The following PCNX2 variants were observed in gnomAD, a reference collection of about 807,000 sequenced individuals.
The protein encoded by PCNX2 is pecanex-like protein 2.
In PCNX2, 168 loss-of-function variants were observed where a neutral mutation model predicts 223.8. The ratio of observed to expected loss-of-function variants is 0.75; its 90% confidence interval spans 0.66 to 0.85. The LOEUF (loss-of-function observed/expected upper bound fraction) is 0.85. PCNX2 is among the 40% of genes least tolerant of loss of function. The pLI, the probability that PCNX2 is intolerant of heterozygous loss-of-function variation, is 0.00. For synonymous variants in PCNX2, 1,006 were observed against 1,052.6 expected, an observed-to-expected ratio of 0.96 and a Z score of 0.86; for missense variants, 2,507 against 2,675.5, an observed-to-expected ratio of 0.94 and a Z score of 1.39.
At position 233,258,924 on chromosome 1, in the gene PCNX2, G is replaced by C. The variant is rs1201787602; in HGVS notation, c.938C>G (p.Pro313Arg). ...CTTGGCCACGATGGTGTCACATTGA[G>C]GGCAGCTGCTGCTCAGGCTGTCCTG... ...SPQDSLSSSCPQCDTIVAKPV... is the reference protein window; with the variant it reads ...SPQDSLSSSCRQCDTIVAKPV... Residue 313 changes from proline (P) to arginine (R), a missense_variant, in exon 5 of 34, where the codon CCT (proline) becomes CGT (arginine). Around this residue, in one of 3 missense-constraint regions of PCNX2, gnomAD observed 1,031 missense variants for 1,021.7 expected, o/e 1.01. Transcript: ENST00000258229. The C allele has an allele frequency of 1.2e-6, 2 of 1,613,834 alleles. No homozygotes were observed. Among genetic ancestry groups the C allele is most frequent in the Admixed American group, 1.7e-5 (1 of 59,998 alleles).
chr1:233,228,990 A>G (rs955484034), intron 9 of PCNX2, among the ~76,000 whole-genome samples: 2 of 152,234 alleles, frequency 1.3e-5, no homozygotes, highest in African/African-American at 4.8e-5. Context: ...TGGGACAAAG[A>G]GCAGCGGTGG....
chr1:233,055,912 C>T lies in PCNX2; in HGVS notation c.4135+1320G>A, dbSNP rs74541028. 4.1e-3 allele frequency among the ~76,000 whole-genome samples: 620 copies of T among 152,192 alleles called. 1 individual carries two copies. Among genetic ancestry groups the T allele is most frequent in the Non-Finnish European group, 6.5e-3 (440 of 68,008 alleles). On this transcript the variant is annotated intron_variant, in intron 24 of 33. Coordinates refer to ENST00000258229, the MANE Select transcript of PCNX2 (RefSeq NM_014801.4). ...CAAGAAGGTGAAGATGCCCCAAGTG[C>T]GCTTACATAAGGAAGATCACCAATC...
At chr1:233,129,247 C>CG (rs1436877299) in intron 21 of PCNX2, among the ~76,000 whole-genome samples, 4 of 152,228 alleles carry the variant, frequency 2.6e-5, no homozygotes, top group Non-Finnish European at 5.9e-5. Context: ...GCTTAGCACC[C>CG]GGGCCAGCAG....
chr1:233,217,248 G>T lies in PCNX2; in HGVS notation c.2691+651C>A, dbSNP rs1472578290. On this transcript the variant is annotated intron_variant, in intron 12 of 33. Coordinates refer to ENST00000258229, the MANE Select transcript of PCNX2 (RefSeq NM_014801.4). ...GAAAAAAAAATGATAACTATATGTG[G>T]TTATAGATATGTCAAACAGCTTGAT... Among the ~76,000 whole-genome samples the T allele has an allele frequency of 2.0e-5, 3 of 152,192 alleles. No individual in the cohort carries two copies. The East Asian group carries it at 5.8e-4, about 29-fold the overall frequency.
At chr1:233,071,881 T>C (rs1381605342) in intron 23 of PCNX2, among the ~76,000 whole-genome samples, 1 of 152,218 alleles carries the variant, frequency 6.6e-6, no homozygotes, top group Non-Finnish European at 1.5e-5. Flanking sequence ...TTGATTTGCA[T>C]TTCTCTAATA....
intron 19 of PCNX2, among the ~76,000 whole-genome samples, chr1:233,151,692 G>A (rs143403643): frequency 0.055 from 8,266 of 151,508 alleles, 723 homozygotes; most frequent in African/African-American, 0.19. Context: ...ATTTATTTTT[G>A]AGACAAAGTC....
chr1:233,233,756 G>T (rs576702790), intron 9 of PCNX2, among the ~76,000 whole-genome samples: 24 of 151,986 alleles, frequency 1.6e-4, no homozygotes, highest in African/African-American at 5.8e-4. Flanking sequence ...GGGGATTAAA[G>T]TCTTGTCTTC....
At chr1:233,295,998 C>CTTTTTTTTTTTTT (rs201102619), upstream of PCNX2, among the ~76,000 whole-genome samples, 1 of 96,884 alleles carries the variant, frequency 1.0e-5, no homozygotes, top group East Asian at 3.0e-4. The surrounding 1 kb of genome is among the most constrained non-coding windows in gnomAD (Gnocchi z 4.1). Flanking sequence ...TTCTTTCTTT[C>CTTTTTTTTTTTTT]TTTCTTTTTT....
Position 233,295,335 on chromosome 1 carries a change from G to T in PCNX2, c.144C>A (p.Ala48=), listed in dbSNP as rs1347648147. Residue 48 remains alanine (A), a synonymous_variant, in exon 1 of 34, where the codon GCC becomes GCA. Coordinates refer to ENST00000258229, the MANE Select transcript of PCNX2 (RefSeq NM_014801.4). This position sits in a 1 kb window ranked among gnomAD's most constrained non-coding sequence, Gnocchi z 4.1. ...LWLFLLLLPL[A]LHLAFPPNAI... ...GACCCTCCCCACTCACCAGGTGCAG[G>T]GCCAGGGGCAGCAGCAGGAGGAACA... The T allele has an allele frequency of 1.9e-6, 3 of 1,576,426 alleles. No individual in the cohort carries two copies. Among genetic ancestry groups the T allele is most frequent in the Middle Eastern group, 3.3e-4 (2 of 6,026 alleles).
At chr1:233,065,506 CT>C (rs1482961829) in intron 23 of PCNX2, 1 of 152,118 alleles carries the variant, frequency 6.6e-6, no homozygotes, top group Non-Finnish European at 1.5e-5. Context: ...TATTCCTCTA[CT>C]TGGTACAACG....
At chr1:233,246,203 C>CTCTGA (rs1363249587) in intron 8 of PCNX2, among the ~76,000 whole-genome samples, 1 of 151,780 alleles carries the variant, frequency 6.6e-6, no homozygotes, top group Non-Finnish European at 1.5e-5. Context: ...GATAAATGCC[C>CTCTGA]TTCAGATGGG....
intron 15 of PCNX2, among the ~76,000 whole-genome samples, chr1:233,193,804 C>T (rs1374012700): frequency 6.6e-6 from 1 of 151,884 alleles, no homozygotes; most frequent in Admixed American, 6.5e-5. Context: ...GGACTAGACA[C>T]AGCAGGAGAA....
intron 1 of PCNX2, among the ~76,000 whole-genome samples, chr1:233,265,022 G>C (rs1660252774): frequency 2.0e-5 from 3 of 152,068 alleles, no homozygotes; most frequent in Admixed American, 2.0e-4. Context: ...AGGATTGCTT[G>C]AGCCCAAGAG....
intron 15 of PCNX2, among the ~76,000 whole-genome samples, chr1:233,193,864 C>A (rs1680561030): frequency 6.6e-6 from 1 of 151,496 alleles, no homozygotes; most frequent in Non-Finnish European, 1.5e-5. Flanking sequence ...AAACTAAAAC[C>A]CAAAGAAGGA....
chr1:233,323,368 T>C, the PCNX2 span, among the ~76,000 whole-genome samples: 5 of 152,260 alleles, frequency 3.3e-5, no homozygotes, highest in African/African-American at 9.6e-5. Context: ...ACTGGTATAG[T>C]ATTTTCATAT....
At chr1:233,024,887 A>G (rs1421544071) in intron 26 of PCNX2, among the ~76,000 whole-genome samples, 1 of 152,214 alleles carries the variant, frequency 6.6e-6, no homozygotes, top group Non-Finnish European at 1.5e-5. Flanking sequence ...CTGTGGTAGA[A>G]GAGACAAAGA....
intron 25 of PCNX2, among the ~76,000 whole-genome samples, chr1:233,048,331 C>T (rs1456114377): frequency 2.0e-5 from 3 of 152,210 alleles, no homozygotes; most frequent in Middle Eastern, 3.4e-3. Context: ...GTGGCACACA[C>T]CTATAAACCC....
intron 8 of PCNX2, among the ~76,000 whole-genome samples, chr1:233,247,669 G>A (rs1257019977): frequency 6.6e-6 from 1 of 152,000 alleles, no homozygotes; most frequent in Non-Finnish European, 1.5e-5. Flanking sequence ...ACGAGGTCAG[G>A]AGTTTTGAGA....
intron 10 of PCNX2, among the ~76,000 whole-genome samples, chr1:233,224,736 A>G (rs1657596086): frequency 6.6e-6 from 1 of 151,902 alleles, no homozygotes; most frequent in Admixed American, 6.6e-5. Flanking sequence ...ATTTTAATTG[A>G]CTCTAAATTA....
Sources: gnomAD v4.1 joint callset for allele counts (sites outside exome capture counted in the v4.1 genomes callset) on GRCh38, gnomAD v4.1.1 for gene constraint, gnomAD v4.1.1 regional missense constraint, Gnocchi (gnomAD v3.1) non-coding constraint, MANE v1.5 for transcripts, NCBI Gene and HGNC (gene_info 2026-07-23, HGNC 2026-07-21) for gene names.